Variants in PRKG1 observed in about 807,000 individuals in gnomAD.
PRKG1 encodes protein kinase cGMP-dependent 1.
Under a neutral mutation model 88.1 loss-of-function variants are expected in PRKG1, and 35 were observed. The observed-to-expected ratio is 0.40, with a 90% confidence interval of 0.30 to 0.53. The LOEUF (loss-of-function observed/expected upper bound fraction) is 0.53. Ranked by LOEUF, PRKG1 falls within the 20% of genes least tolerant of loss-of-function variation. PRKG1 has a pLI of 0.59. For missense variants in PRKG1, 540 were observed against 839.8 expected (o/e 0.64, Z 4.41); for synonymous variants, 303 against 292.5 (o/e 1.04, Z -0.37).
intron 3 of PRKG1, among the ~76,000 whole-genome samples, chr10:51,536,346 G>T (rs960854223): frequency 6.6e-6 from 1 of 152,010 alleles, no homozygotes; most frequent in African/African-American, 2.4e-5. Flanking sequence ...GTCTTATTTT[G>T]AGAAGTGTCT....
At chr10:51,540,134 A>T (rs1842263962) in intron 3 of PRKG1, among the ~76,000 whole-genome samples, 1 of 152,194 alleles carries the variant, frequency 6.6e-6, no homozygotes, top group Admixed American at 6.5e-5. Context: ...AGGCTGAGAT[A>T]CCATGGTACA....
At chr10:51,779,207 G>T (rs1416083734) in intron 3 of PRKG1, among the ~76,000 whole-genome samples, 2 of 152,070 alleles carry the variant, frequency 1.3e-5, no homozygotes, top group Non-Finnish European at 2.9e-5. Flanking sequence ...TAGGTACTTG[G>T]TTACAAGAAT....
chr10:51,273,348 C>CAAA lies in PRKG1; in HGVS notation c.478+120032_478+120034dup, dbSNP rs35237197. The stretch of plus-strand genomic sequence containing the variant: ...CAACATGACAAAACTCCATCTCTTC[C>CAAA]AAAAAAAAAAAAAAAAGGCAAAAAT... On this transcript the variant is annotated intron_variant, in intron 2 of 17. Transcript: ENST00000373980. Among the ~76,000 whole-genome samples the CAAA allele has an allele frequency of 2.1e-3, 244 of 118,592 alleles. 2 individuals are homozygous for CAAA. Among genetic ancestry groups the CAAA allele is most frequent in the Admixed American group, 3.7e-3 (43 of 11,676 alleles). The allele number at this position is 118,592 out of a possible 152,430, so 77.8% of individuals were successfully genotyped here. A position where few individuals can be genotyped will look rare whatever the true frequency, so the allele number is the denominator to read the frequency against.
chr10:51,346,124 T>G (rs2132555334), intron 2 of PRKG1, among the ~76,000 whole-genome samples: 1 of 152,352 alleles, frequency 6.6e-6, no homozygotes, highest in South Asian at 2.1e-4. Flanking sequence ...GCTTTTTGTT[T>G]GGTTTAAATT....
intron 5 of PRKG1, among the ~76,000 whole-genome samples, chr10:52,053,616 C>A (rs552372913): frequency 6.6e-6 from 1 of 152,144 alleles, no homozygotes; most frequent in Non-Finnish European, 1.5e-5. Context: ...ATACTTTCTC[C>A]GACCTCTCCT....
chr10:51,583,214 A>C (rs972957657), intron 3 of PRKG1, among the ~76,000 whole-genome samples: 10 of 152,148 alleles, frequency 6.6e-5, no homozygotes, highest in Admixed American at 2.6e-4. Flanking sequence ...GAGAGCCAGG[A>C]TAAAGTTAAA....
chr10:51,556,278 G>A (rs956127154), intron 3 of PRKG1, among the ~76,000 whole-genome samples: 1 of 151,780 alleles, frequency 6.6e-6, no homozygotes, highest in Non-Finnish European at 1.5e-5. Flanking sequence ...AATAAAATTT[G>A]AAAGATGTAA....
At chr10:51,867,826 A>G (rs1253511465) in intron 4 of PRKG1, among the ~76,000 whole-genome samples, 2 of 152,218 alleles carry the variant, frequency 1.3e-5, no homozygotes, top group Non-Finnish European at 2.9e-5. Context: ...AGTAATCAAG[A>G]TCTAAGATCT....
chr10:51,393,457 G>T (rs914396882), intron 2 of PRKG1, among the ~76,000 whole-genome samples: 3 of 151,478 alleles, frequency 2.0e-5, no homozygotes, highest in Non-Finnish European at 4.4e-5. Flanking sequence ...CCCAGACGGG[G>T]TGGCGGCCGG....
At chr10:51,906,007 G>T (rs1265215802) in intron 4 of PRKG1, among the ~76,000 whole-genome samples, 1 of 152,152 alleles carries the variant, frequency 6.6e-6, no homozygotes, top group Non-Finnish European at 1.5e-5. Context: ...TGTAGTACGA[G>T]ATTAAAGAGA....
intron 9 of PRKG1, among the ~76,000 whole-genome samples, chr10:52,226,507 A>G (rs919947465): frequency 3.3e-5 from 5 of 151,568 alleles, no homozygotes; most frequent in African/African-American, 1.2e-4. Flanking sequence ...TGTTTTACCA[A>G]CTTTGAAAAT....
rs918622780 is a variant in PRKG1 at position 51,334,999 on chromosome 10, C to CTTTTT, written c.479-132704_479-132700dup. ...CAAAAAGGTTTTTCCTGTCAGGTTT[C>CTTTTT]TTTTTTTTTTTTTTTTTTTTTTTTG... On this transcript the variant is annotated intron_variant, in intron 2 of 17. Transcript: ENST00000373980. 2.5e-3 allele frequency among the ~76,000 whole-genome samples: 196 copies of CTTTTT among 78,764 alleles called. 5 individuals carry two copies. Among genetic ancestry groups the CTTTTT allele is most frequent in the African/African-American group, 5.7e-3 (112 of 19,574 alleles). The allele number at this position is 78,764 out of a possible 152,430, so 51.7% of individuals were successfully genotyped here.
chr10:51,859,286 G>A (rs1178705089), intron 4 of PRKG1, among the ~76,000 whole-genome samples: 1 of 151,942 alleles, frequency 6.6e-6, no homozygotes, highest in African/African-American at 2.4e-5. Flanking sequence ...AAACATGGCC[G>A]GGTGCTAAGG....
intron 5 of PRKG1, among the ~76,000 whole-genome samples, chr10:51,997,975 C>T (rs1423749400): frequency 1.3e-5 from 2 of 152,000 alleles, no homozygotes; most frequent in Non-Finnish European, 2.9e-5. Flanking sequence ...CTTTTCTATT[C>T]TCAGAAAGAA....
chr10:51,793,190 A>G lies in PRKG1; in HGVS notation c.593-11395A>G, dbSNP rs113962536. On this transcript the variant is annotated intron_variant, in intron 3 of 17. Transcript: ENST00000373980. ...CAACAATTTAACAAACAGAAAAACAATATGACCAGAATGAGAAATATAATG... is the reference window on the plus strand; with the variant it reads ...CAACAATTTAACAAACAGAAAAACAGTATGACCAGAATGAGAAATATAATG... Among the ~76,000 whole-genome samples, 83 of 151,724 alleles carry G rather than the reference A, an allele frequency of 5.5e-4. 3 individuals carry two copies. Among genetic ancestry groups the G allele is most frequent in the Middle Eastern group, 6.8e-3 (2 of 294 alleles).
intron 2 of PRKG1, among the ~76,000 whole-genome samples, chr10:51,370,406 A>G: frequency 6.6e-6 from 1 of 151,852 alleles, no homozygotes; most frequent in East Asian, 1.9e-4. Context: ...GCCTATTCCT[A>G]AGGAGGCTGG....
intron 7 of PRKG1, among the ~76,000 whole-genome samples, chr10:52,067,302 G>A (rs958161893): frequency 2.0e-5 from 3 of 152,116 alleles, no homozygotes; most frequent in Non-Finnish European, 2.9e-5. Context: ...GTGTGTACTC[G>A]GAATTTTGGT....
intron 3 of PRKG1, among the ~76,000 whole-genome samples, chr10:51,795,474 C>A (rs1838985527): frequency 6.6e-6 from 1 of 152,062 alleles, no homozygotes; most frequent in Admixed American, 6.6e-5. Context: ...TGGCATGCTC[C>A]AGATGCATAG....
intron 8 of PRKG1, among the ~76,000 whole-genome samples, chr10:52,137,386 G>A (rs1360004343): frequency 2.0e-5 from 3 of 151,914 alleles, no homozygotes; most frequent in Non-Finnish European, 2.9e-5. Context: ...TAGTCTAACA[G>A]AACCATCCAT....
Sources: gnomAD v4.1 joint callset for allele counts (sites outside exome capture counted in the v4.1 genomes callset) on GRCh38, gnomAD v4.1.1 for gene constraint, MANE v1.5 for transcripts, NCBI Gene and HGNC (gene_info 2026-07-23, HGNC 2026-07-21) for gene names.